The following PCSK2 variants were observed in gnomAD, a reference collection of about 807,000 sequenced individuals.
PCSK2 encodes neuroendocrine convertase 2.
Under a neutral mutation model 69.7 loss-of-function variants are expected in PCSK2, and 14 were observed. The observed-to-expected ratio is 0.20, with a 90% CI of 0.13 to 0.31. The LOEUF (loss-of-function observed/expected upper bound fraction) is 0.31, where lower values mean the gene tolerates loss of function less well. Among genes scored for constraint, PCSK2 ranks in the 10% least tolerant of loss-of-function variants. The pLI, the probability that PCSK2 is intolerant of heterozygous loss-of-function variation, is 1.00. For synonymous variants in PCSK2, 307 were observed against 320.7 expected, an observed-to-expected ratio of 0.96 and a Z score of 0.46; for missense variants, 544 against 842.5, an observed-to-expected ratio of 0.65 and a Z score of 4.39.
At chr20:17,240,655 GT>G (rs1986535289) in intron 1 of PCSK2, among the ~76,000 whole-genome samples, 1 of 152,198 alleles carries the variant, frequency 6.6e-6, no homozygotes, top group Non-Finnish European at 1.5e-5. Context: ...GAAAGAAACA[GT>G]TTGTGAGTGA....
chr20:17,239,870 T>TTTTTG (rs1555780457), intron 1 of PCSK2, among the ~76,000 whole-genome samples: 51 of 143,048 alleles, frequency 3.6e-4, no homozygotes, highest in African/African-American at 1.3e-3. Flanking sequence ...TTTTTTTTTT[T>TTTTTG]GTGAGATGAA....
chr20:17,479,996 C>A (rs1434524734), intron 11 of PCSK2, among the ~76,000 whole-genome samples: 1 of 151,752 alleles, frequency 6.6e-6, no homozygotes, highest in Non-Finnish European at 1.5e-5. Flanking sequence ...CTTCTTTCTA[C>A]TGCAAGAACC....
chr20:17,406,716 T>G (rs2031759512), intron 5 of PCSK2, among the ~76,000 whole-genome samples: 1 of 152,178 alleles, frequency 6.6e-6, no homozygotes, highest in Admixed American at 6.5e-5. Context: ...GTGGAAAGTT[T>G]GAGAAGCCAG....
At chr20:17,238,713 A>G (rs897742864) in intron 1 of PCSK2, among the ~76,000 whole-genome samples, 15 of 152,136 alleles carry the variant, frequency 9.9e-5, no homozygotes, top group Admixed American at 2.0e-4. Context: ...GGTCCTCCTG[A>G]TGTGCTTTTT....
chr20:17,368,063 T>C (rs1034310184), intron 4 of PCSK2, among the ~76,000 whole-genome samples: 3 of 152,086 alleles, frequency 2.0e-5, no homozygotes, highest in Non-Finnish European at 1.5e-5. Context: ...TTACTCATTG[T>C]ATAACCGGAA....
intron 2 of PCSK2, among the ~76,000 whole-genome samples, chr20:17,350,525 TCATGGCCCAG>T (rs2029948009): frequency 6.6e-6 from 1 of 151,898 alleles, no homozygotes; most frequent in South Asian, 2.1e-4. Flanking sequence ...AGGGAAGTGA[TCATGGCCCAG>T]GTCCTCAGAG....
chr20:17,401,070 G>C (rs1254563095), intron 5 of PCSK2, among the ~76,000 whole-genome samples: 1 of 152,132 alleles, frequency 6.6e-6, no homozygotes, highest in Non-Finnish European at 1.5e-5. Flanking sequence ...TGTTTATTTT[G>C]ATAGATATTG....
chr20:17,387,099 T>C (rs1377827390), intron 5 of PCSK2, among the ~76,000 whole-genome samples: 1 of 152,204 alleles, frequency 6.6e-6, no homozygotes, highest in Non-Finnish European at 1.5e-5. Flanking sequence ...GGTCCAATCC[T>C]GCCTCTATAT....
At chr20:17,279,332 G>A (rs1366453735) in intron 2 of PCSK2, among the ~76,000 whole-genome samples, 1 of 152,130 alleles carries the variant, frequency 6.6e-6, no homozygotes, top group Non-Finnish European at 1.5e-5. Context: ...GCCATTGGGA[G>A]GTCAAGATCA....
chr20:17,359,043 T>C (rs1380127055), intron 3 of PCSK2, among the ~76,000 whole-genome samples: 1 of 152,194 alleles, frequency 6.6e-6, no homozygotes, highest in East Asian at 1.9e-4. Flanking sequence ...TCCATTTGGA[T>C]TGGCCAAGCT....
intron 8 of PCSK2, among the ~76,000 whole-genome samples, chr20:17,442,017 CAA>C (rs11483753): frequency 3.1e-4 from 29 of 93,432 alleles, no homozygotes; most frequent in African/African-American, 1.0e-3. Context: ...ATTTAAAAGA[CAA>C]AAAAAAAAAA....
chr20:17,271,661 A>G (rs540801880), intron 2 of PCSK2, among the ~76,000 whole-genome samples: 2 of 152,256 alleles, frequency 1.3e-5, no homozygotes, highest in African/African-American at 4.8e-5. Context: ...AAAAGGAGGA[A>G]GCGGATTCTT....
intron 2 of PCSK2, among the ~76,000 whole-genome samples, chr20:17,329,941 C>T (rs1990168019): frequency 6.6e-6 from 1 of 151,912 alleles, no homozygotes; most frequent in Non-Finnish European, 1.5e-5. Flanking sequence ...ACAGAACTGG[C>T]CAATAGAAAT....
At chr20:17,275,106 T>C (rs1417859004) in intron 2 of PCSK2, among the ~76,000 whole-genome samples, 1 of 129,128 alleles carries the variant, frequency 7.7e-6, no homozygotes, top group Non-Finnish European at 1.7e-5. Flanking sequence ...TATATATATA[T>C]ATATATAATG....
intron 2 of PCSK2, among the ~76,000 whole-genome samples, chr20:17,298,347 G>T (rs954736285): frequency 6.6e-6 from 1 of 152,076 alleles, no homozygotes; most frequent in Non-Finnish European, 1.5e-5. Context: ...ATAGAAATGG[G>T]GTGATTTTGG....
chr20:17,254,780 A>G (rs1600414348), intron 1 of PCSK2, among the ~76,000 whole-genome samples: 1 of 152,184 alleles, frequency 6.6e-6, no homozygotes, highest in South Asian at 2.1e-4. Context: ...GTTAGGGAGC[A>G]TTGCCATTTT....
chr20:17,279,782 C>T lies in PCSK2; in HGVS notation c.282+19438C>T, dbSNP rs1457726428. Among the ~76,000 whole-genome samples, 7 of 132,880 alleles carry T rather than the reference C, an allele frequency of 5.3e-5. No individual in the cohort carries two copies. The South Asian group carries it at 7.0e-4, about 13-fold the overall frequency. 87.2% of individuals were successfully genotyped at this position (132,880 alleles called of 152,430 possible). A position where few individuals can be genotyped will look rare whatever the true frequency, so the allele number is the denominator to read the frequency against. ...TGCCTGGGCAACAGGAGCGAAACTC[C>T]GTCTCAAAAAAAAAAAAAAAAAAAG... On this transcript the variant is annotated intron_variant, in intron 2 of 11. Transcript: ENST00000262545.
At chr20:17,473,103 T>TTTC (rs1283874802) in intron 11 of PCSK2, among the ~76,000 whole-genome samples, 1 of 142,680 alleles carries the variant, frequency 7.0e-6, no homozygotes, top group Non-Finnish European at 1.5e-5. Flanking sequence ...TTTTTTTTTT[T>TTTC]TTTTTTTTGA....
chr20:17,478,938 A>G (rs2033340675), intron 11 of PCSK2: 1 of 592,262 alleles, frequency 1.7e-6, no homozygotes, highest in East Asian at 3.0e-5. Context: ...TTGCTATGAT[A>G]TTGCTTGCTT....
Sources: allele counts gnomAD v4.1 joint callset (sites outside exome capture counted in the v4.1 genomes callset), GRCh38; gene constraint gnomAD v4.1.1; transcripts MANE v1.5; gene names NCBI Gene and HGNC (gene_info 2026-07-23, HGNC 2026-07-21).